The following APOO variants were observed in gnomAD, a reference collection of about 807,000 sequenced individuals.
APOO encodes the protein apolipoprotein O.
In APOO, 11 loss-of-function variants were observed where a neutral mutation model predicts 23.1. That is an observed-to-expected ratio of 0.48 (90% CI 0.30 to 0.79). The LOEUF is 0.79. Among genes scored for constraint, APOO ranks in the 30% least tolerant of loss-of-function variants. APOO has a pLI of 0.07. For missense variants in APOO, 160 were observed against 142.7 expected (o/e 1.12, Z -0.62); for synonymous variants, 59 against 54.8 (o/e 1.08, Z -0.34).
intron 7 of APOO, among the ~76,000 whole-genome samples, chrX:23,847,702 C>T (rs1408918376): frequency 9.3e-6 from 1 of 107,826 alleles, no homozygotes; most frequent in South Asian, 4.0e-4. Flanking sequence ...ACGAACACAG[C>T]GCTCACTGCA....
At chrX:23,900,295 T>C (rs765707233) in intron 1 of APOO, among the ~76,000 whole-genome samples, 2 of 111,795 alleles carry the variant, frequency 1.8e-5, no homozygotes, top group African/African-American at 3.2e-5. Context: ...ATTATCTCAA[T>C]TGAATCTCCC....
chrX:23,845,405 C>CA (rs1924184934), intron 7 of APOO, among the ~76,000 whole-genome samples: 1 of 111,486 alleles, frequency 9.0e-6, no homozygotes. Flanking sequence ...TTTAAGTGTA[C>CA]AATACGGTAC....
chrX:23,893,155 C>T (rs764242798), intron 1 of APOO, among the ~76,000 whole-genome samples: 2 of 109,441 alleles, frequency 1.8e-5, no homozygotes, highest in East Asian at 2.9e-4. Context: ...CGGTGGCTCA[C>T]GCCTGTAATC....
At chrX:23,880,058 GT>G (rs770501178) in intron 2 of APOO, among the ~76,000 whole-genome samples, 413 of 98,611 alleles carry the variant, frequency 4.2e-3, no homozygotes, top group Middle Eastern at 0.01. Context: ...AAGATTTCTT[GT>G]TTTTTTTTTT....
chrX:23,862,612 C>T (rs1410631203), intron 5 of APOO, among the ~76,000 whole-genome samples: 12 of 94,643 alleles, frequency 1.3e-4, no homozygotes, highest in African/African-American at 2.3e-4. Flanking sequence ...CCGGTCTCCA[C>T]AAAAAAAAAA....
At chrX:23,882,126 C>T (rs932505822) in intron 1 of APOO, among the ~76,000 whole-genome samples, 1 of 110,972 alleles carries the variant, frequency 9.0e-6, no homozygotes, top group Non-Finnish European at 1.9e-5. Flanking sequence ...TAATCTGTAT[C>T]GTGGAAGCAA....
intron 1 of APOO, chrX:23,883,362 CAGA>C (rs1926229473): frequency 1.8e-5 from 2 of 111,615 alleles, no homozygotes; most frequent in East Asian, 2.8e-4. Flanking sequence ...AACATACCAG[CAGA>C]AGAACACAGT....
intron 7 of APOO, among the ~76,000 whole-genome samples, chrX:23,849,583 TAAAAAAAAA>T (rs143362355): frequency 2.5e-4 from 8 of 32,604 alleles, no homozygotes; most frequent in Non-Finnish European, 4.1e-4. Flanking sequence ...AAGAGAGACT[TAAAAAAAAA>T]AAAAAAAAAA....
chrX:23,886,160 A>C (rs1171159204), intron 1 of APOO, among the ~76,000 whole-genome samples: 2 of 110,620 alleles, frequency 1.8e-5, no homozygotes, highest in African/African-American at 6.6e-5. Flanking sequence ...CTGGGGAGCA[A>C]CTCTCCCACT....
At chrX:23,881,382 T>C (rs1656061797) in intron 1 of APOO, among the ~76,000 whole-genome samples, 1 of 107,092 alleles carries the variant, frequency 9.3e-6, no homozygotes, top group African/African-American at 3.4e-5. Context: ...GCCTACAAAA[T>C]ATATTTTTTT....
chrX:23,886,111 C>T (rs780388286), intron 1 of APOO, among the ~76,000 whole-genome samples: 5 of 111,488 alleles, frequency 4.5e-5, no homozygotes, highest in South Asian at 3.8e-4. Flanking sequence ...CTCCCAGTCA[C>T]GACAGTCAAA....
At chrX:23,850,030 A>G (rs1924460083) in intron 7 of APOO, among the ~76,000 whole-genome samples, 1 of 112,321 alleles carries the variant, frequency 8.9e-6, no homozygotes, top group African/African-American at 3.2e-5. Context: ...CAATAACGGT[A>G]TTGTGATCAT....
intron 7 of APOO, among the ~76,000 whole-genome samples, chrX:23,848,384 G>A (rs748599531): frequency 9.1e-6 from 1 of 109,336 alleles, no homozygotes; most frequent in East Asian, 2.9e-4. Flanking sequence ...GGCTGGTCTC[G>A]AACTCCTGAC....
intron 7 of APOO, among the ~76,000 whole-genome samples, chrX:23,854,452 G>A (rs1213362553): frequency 8.9e-6 from 1 of 112,375 alleles, no homozygotes; most frequent in Non-Finnish European, 1.9e-5. Context: ...GTCTAGGGCT[G>A]TTTAGAGATT....
intron 7 of APOO, among the ~76,000 whole-genome samples, chrX:23,856,041 A>C (rs1924768657): frequency 8.9e-6 from 1 of 112,033 alleles, no homozygotes. Context: ...AATACAATAT[A>C]ATGGAAAATA....
chrX:23,850,292 G>A (rs1794174247), intron 7 of APOO, among the ~76,000 whole-genome samples: 1 of 111,972 alleles, frequency 8.9e-6, no homozygotes, highest in African/African-American at 3.2e-5. Flanking sequence ...AATGAAAATT[G>A]GGAAATAAAG....
chrX:23,860,579 C>T (rs915631637), intron 5 of APOO, among the ~76,000 whole-genome samples: 1 of 110,074 alleles, frequency 9.1e-6, no homozygotes, highest in Non-Finnish European at 1.9e-5. Flanking sequence ...GTGGCACAAT[C>T]ATGGCTCACT....
intron 4 of APOO, among the ~76,000 whole-genome samples, chrX:23,871,297 A>G (rs1925609515): frequency 9.9e-6 from 1 of 100,905 alleles, no homozygotes; most frequent in African/African-American, 3.7e-5. Flanking sequence ...CAGGAGGCGG[A>G]GCTTGTAGTG....
chrX:23,902,560 G>A (rs1224480513), intron 1 of APOO, among the ~76,000 whole-genome samples: 1 of 111,855 alleles, frequency 8.9e-6, no homozygotes, highest in Non-Finnish European at 1.9e-5. Context: ...CAAACTTCCT[G>A]CAGCAGCACA....
Sources: allele counts gnomAD v4.1 joint callset (sites outside exome capture counted in the v4.1 genomes callset), GRCh38; gene constraint gnomAD v4.1.1; transcripts MANE v1.5; gene names NCBI Gene and HGNC (gene_info 2026-07-23, HGNC 2026-07-21).